Variants in PLCL1 observed in about 807,000 individuals in gnomAD.
PLCL1 encodes the protein inactive phospholipase C-like protein 1.
In PLCL1, 41 loss-of-function variants were observed where a neutral mutation model predicts 84.4. The ratio of observed to expected loss-of-function variants is 0.49; its 90% CI spans 0.38 to 0.63. The LOEUF (loss-of-function observed/expected upper bound fraction) is 0.63. Among genes scored for constraint, PLCL1 ranks in the 30% least tolerant of loss-of-function variants. The pLI is 0.00. For missense variants in PLCL1, 1,206 were observed against 1,367.8 expected (o/e 0.88, Z 1.87); for synonymous variants, 490 against 488.3 (o/e 1.00, Z -0.05).
chr2:197,852,685 G>A (rs1183175374), intron 1 of PLCL1, among the ~76,000 whole-genome samples: 2 of 152,018 alleles, frequency 1.3e-5, no homozygotes, highest in African/African-American at 2.4e-5. Flanking sequence ...AGATGCTGGC[G>A]GGTTGTAGGT....
At chr2:198,055,021 G>T (rs1478871110) in intron 1 of PLCL1, among the ~76,000 whole-genome samples, 1 of 152,036 alleles carries the variant, frequency 6.6e-6, no homozygotes, top group Admixed American at 6.5e-5. Context: ...CATTCATGAT[G>T]TTTTATATAG....
chr2:198,005,781 G>T (rs949676917), intron 1 of PLCL1, among the ~76,000 whole-genome samples: 1 of 152,242 alleles, frequency 6.6e-6, no homozygotes, highest in East Asian at 1.9e-4. Context: ...CAGGGGCAGG[G>T]AGGCCGTGGA....
At chr2:197,822,522 G>C (rs1170415803) in intron 1 of PLCL1, among the ~76,000 whole-genome samples, 2 of 152,134 alleles carry the variant, frequency 1.3e-5, no homozygotes, top group Non-Finnish European at 2.9e-5. Context: ...CATTTATTGG[G>C]TGCTTACCAT....
At chr2:198,017,158 A>G (rs1574249047) in intron 1 of PLCL1, among the ~76,000 whole-genome samples, 1 of 152,228 alleles carries the variant, frequency 6.6e-6, no homozygotes, top group South Asian at 2.1e-4. Context: ...TAAAACCACA[A>G]TGACACATAT....
At chr2:197,871,869 A>G (rs973737236) in intron 1 of PLCL1, among the ~76,000 whole-genome samples, 9 of 152,024 alleles carry the variant, frequency 5.9e-5, no homozygotes, top group Non-Finnish European at 1.3e-4. Flanking sequence ...CCTATCTGAC[A>G]AGGACACCTG....
chr2:197,881,775 C>G (rs998177171), intron 1 of PLCL1, among the ~76,000 whole-genome samples: 2 of 152,062 alleles, frequency 1.3e-5, no homozygotes, highest in African/African-American at 4.8e-5. Context: ...TGACCACACA[C>G]AAAAGCAGAC....
At chr2:197,887,880 G>T (rs1248245200) in intron 1 of PLCL1, among the ~76,000 whole-genome samples, 2 of 152,130 alleles carry the variant, frequency 1.3e-5, no homozygotes, top group African/African-American at 4.8e-5. Context: ...GGAGGCTGAG[G>T]ATCACTTGAG....
At chr2:197,984,355 T>A (rs1690176397) in intron 1 of PLCL1, among the ~76,000 whole-genome samples, 1 of 152,076 alleles carries the variant, frequency 6.6e-6, no homozygotes, top group South Asian at 2.1e-4. Context: ...GAGAGTAATT[T>A]TTCTTAGCAC....
intron 5 of PLCL1, among the ~76,000 whole-genome samples, chr2:198,133,146 A>G (rs1353234599): frequency 6.6e-6 from 1 of 151,996 alleles, no homozygotes; most frequent in African/African-American, 2.4e-5. Context: ...ACAATGATAG[A>G]CTGGATTAAG....
At chr2:198,059,765 G>A (rs927746960) in intron 1 of PLCL1, among the ~76,000 whole-genome samples, 1 of 152,164 alleles carries the variant, frequency 6.6e-6, no homozygotes, top group Non-Finnish European at 1.5e-5. Flanking sequence ...TGAATTCTCT[G>A]TTTTGCAAGC....
chr2:197,808,146 T>C (rs2106413067), intron 1 of PLCL1, among the ~76,000 whole-genome samples: 1 of 152,348 alleles, frequency 6.6e-6, no homozygotes, highest in African/African-American at 2.4e-5. Flanking sequence ...TTTTAAAATC[T>C]GTCTACTTTT....
intron 1 of PLCL1, among the ~76,000 whole-genome samples, chr2:197,888,349 G>T (rs1687958035): frequency 6.6e-6 from 1 of 151,978 alleles, no homozygotes; most frequent in African/African-American, 2.4e-5. Flanking sequence ...CCAGTTAATT[G>T]TTATGGTGTT....
chr2:197,946,955 T>C (rs1230042503), intron 1 of PLCL1, among the ~76,000 whole-genome samples: 3 of 151,988 alleles, frequency 2.0e-5, no homozygotes, highest in African/African-American at 7.3e-5. Flanking sequence ...GCCCCCACTC[T>C]AGAGGAGAAC....
At chr2:197,850,187 A>G (rs1687207618) in intron 1 of PLCL1, among the ~76,000 whole-genome samples, 1 of 152,152 alleles carries the variant, frequency 6.6e-6, no homozygotes. Flanking sequence ...CTGCGACAGG[A>G]TTGAATCAGA....
chr2:198,003,137 A>G (rs1208190677), intron 1 of PLCL1, among the ~76,000 whole-genome samples: 2 of 152,190 alleles, frequency 1.3e-5, no homozygotes, highest in East Asian at 3.8e-4. Context: ...TAAGAAATTC[A>G]TAAGAAAACT....
chr2:197,884,671 T>A (rs1687886727), intron 1 of PLCL1, among the ~76,000 whole-genome samples: 1 of 152,176 alleles, frequency 6.6e-6, no homozygotes, highest in African/African-American at 2.4e-5. Flanking sequence ...CCAATCCTTT[T>A]TTCCCTTCAT....
At chr2:198,055,521 G>GCTTTTT (rs35503807) in intron 1 of PLCL1, among the ~76,000 whole-genome samples, 1 of 144,834 alleles carries the variant, frequency 6.9e-6, no homozygotes. Context: ...CTTTTATTTT[G>GCTTTTT]TTTTTTTTTT....
intron 1 of PLCL1, among the ~76,000 whole-genome samples, chr2:198,081,991 A>G (rs2105894512): frequency 6.6e-6 from 1 of 152,290 alleles, no homozygotes; most frequent in East Asian, 1.9e-4. Flanking sequence ...ATCACCGAAG[A>G]TTTGTCTGAA....
At chr2:198,112,451 A>T (rs1693645521) in intron 5 of PLCL1, among the ~76,000 whole-genome samples, 1 of 151,836 alleles carries the variant, frequency 6.6e-6, no homozygotes, top group African/African-American at 2.4e-5. Flanking sequence ...TCTTGATGGG[A>T]CAGAGGAAGT....
Sources: allele counts gnomAD v4.1 joint callset (sites outside exome capture counted in the v4.1 genomes callset), GRCh38; gene constraint gnomAD v4.1.1; transcripts MANE v1.5; gene names NCBI Gene and HGNC (gene_info 2026-07-23, HGNC 2026-07-21).